The following CD96 variants were observed in gnomAD, a reference collection of about 807,000 sequenced individuals.
CD96 encodes the protein CD96 molecule.
Under a neutral mutation model 71.3 loss-of-function variants are expected in CD96, and 70 were observed. That is an observed-to-expected ratio of 0.98 (90% confidence interval 0.81 to 1.20). CD96 has a LOEUF of 1.20. Among genes scored for constraint, CD96 ranks in the 50% most tolerant of loss-of-function variants. The pLI, the probability that CD96 is intolerant of heterozygous loss-of-function variation, is 0.00. For missense variants in CD96, 742 were observed against 677.5 expected, an observed-to-expected ratio of 1.10 and a Z score of -1.06; for synonymous variants, 248 against 233.0, an observed-to-expected ratio of 1.06 and a Z score of -0.59.
chr3:111,555,505 T>C (rs1190908066), intron 2 of CD96, among the ~76,000 whole-genome samples: 4 of 152,304 alleles, frequency 2.6e-5, no homozygotes, highest in African/African-American at 9.6e-5. Flanking sequence ...TTCTCTTTCT[T>C]TTAGCATTTT....
At chr3:111,613,956 ATTC>A (rs891868544) in intron 8 of CD96, among the ~76,000 whole-genome samples, 43 of 152,196 alleles carry the variant, frequency 2.8e-4, no homozygotes, top group African/African-American at 1.0e-3. Context: ...TACTTTTTCC[ATTC>A]TTCTCTGTTC....
chr3:111,569,373 T>C (rs1372377676), intron 3 of CD96, among the ~76,000 whole-genome samples: 2 of 152,218 alleles, frequency 1.3e-5, no homozygotes, highest in African/African-American at 4.8e-5. Context: ...TTATAGGATT[T>C]GCTTTCCAAA....
Position 111,638,175 on chromosome 3 carries a change from C to T in CD96, c.1477+7C>T. Reference sequence around the variant, plus strand: ...AATCACGTCCATATCACTGGTAAGTCATTTATCCTATTTTGGGGGATTTTA... The same window carrying T: ...AATCACGTCCATATCACTGGTAAGTTATTTATCCTATTTTGGGGGATTTTA... On this transcript the variant is annotated splice_region_variant and intron_variant, in intron 12 of 13. Transcript: ENST00000352690. 6.6e-7 allele frequency: 1 copy of T among 1,521,000 alleles called. No individual in the cohort carries two copies. The highest frequency in any genetic ancestry group is 9.1e-7 in the Non-Finnish European group (1 of 1,095,064). The allele number at this position is 1,521,000 out of a possible 1,614,324, so 94.2% of individuals were successfully genotyped here. A position where few individuals can be genotyped will look rare whatever the true frequency, so the allele number is the denominator to read the frequency against.
chr3:111,618,040 C>T (rs773348770), intron 8 of CD96, among the ~76,000 whole-genome samples: 3 of 152,236 alleles, frequency 2.0e-5, no homozygotes, highest in South Asian at 2.1e-4. Context: ...CACACAGAGT[C>T]GGCACCCATG....
intron 2 of CD96, among the ~76,000 whole-genome samples, chr3:111,560,097 T>A (rs1935306178): frequency 6.7e-6 from 1 of 149,100 alleles, no homozygotes; most frequent in Admixed American, 6.7e-5. Flanking sequence ...TGAGCCTATA[T>A]GTGTCTCTGC....
At chr3:111,563,190 T>C (rs562557447) in intron 2 of CD96, among the ~76,000 whole-genome samples, 4 of 152,326 alleles carry the variant, frequency 2.6e-5, no homozygotes, top group South Asian at 4.1e-4. Context: ...ACTGACACAA[T>C]GGCAACCAAA....
At chr3:111,605,538 G>A (rs893302450) in intron 7 of CD96, among the ~76,000 whole-genome samples, 8 of 152,174 alleles carry the variant, frequency 5.3e-5, no homozygotes, top group African/African-American at 1.2e-4. Context: ...TTGGATGTAT[G>A]AAGAAAAAGG....
intron 10 of CD96, among the ~76,000 whole-genome samples, chr3:111,631,654 G>C (rs1260275656): frequency 1.3e-5 from 2 of 150,520 alleles, no homozygotes; most frequent in African/African-American, 4.9e-5. Flanking sequence ...TATTTTAAAA[G>C]AGCCCAAATA....
rs1404268327 is a variant in CD96 at position 111,651,108 on chromosome 3, G to A, written c.*1302G>A. The A allele has an allele frequency of 2.0e-5, 3 of 152,222 alleles. No individual in the cohort carries two copies. The highest frequency in any genetic ancestry group is 4.8e-5 in the African/African-American group (2 of 41,454). The allele number at this position is 152,222 out of a possible 1,614,324, so 9.4% of individuals were successfully genotyped here. A position where few individuals can be genotyped will look rare whatever the true frequency, so the allele number is the denominator to read the frequency against. ...TCAATTAAATCAGAATGTCTGAGGA[G>A]TGAGACACAGGCATCAACACTCTCA... On this transcript the variant is annotated 3_prime_UTR_variant, in exon 14 of 14. Coordinates refer to ENST00000352690, the MANE Select transcript of CD96 (RefSeq NM_005816.5).
At chr3:111,578,449 T>G (rs4682288) in intron 3 of CD96, among the ~76,000 whole-genome samples, 113,088 of 152,162 alleles carry the variant, frequency 0.74, 42,220 homozygotes, top group East Asian at 0.96. Context: ...GGCTGTGAAA[T>G]GAGGCAAGGA....
intron 5 of CD96, among the ~76,000 whole-genome samples, chr3:111,586,372 T>C (rs1315899392): frequency 6.6e-6 from 1 of 152,242 alleles, no homozygotes; most frequent in Non-Finnish European, 1.5e-5. Flanking sequence ...ATTAGTCATT[T>C]AATTTGATAA....
chr3:111,637,289 A>C lies in CD96; in HGVS notation c.1387+28A>C, dbSNP rs371468406. On this transcript the variant is annotated intron_variant, in intron 11 of 13. Transcript: ENST00000352690. ...GAGTACTTGGGGAAGATTTAGGGAC[A>C]CTGAAGCTAGTGGTCAGCTTTATTT... The C allele has an allele frequency of 9.6e-6, 12 of 1,256,526 alleles. No homozygotes were observed. In the African/African-American group the frequency reaches 1.6e-4, roughly 17 times the overall value. 77.8% of individuals were successfully genotyped at this position (1,256,526 alleles called of 1,614,324 possible).
intron 5 of CD96, among the ~76,000 whole-genome samples, chr3:111,590,993 A>T (rs1189071574): frequency 6.6e-6 from 1 of 152,218 alleles, no homozygotes; most frequent in East Asian, 1.9e-4. Flanking sequence ...AAAGAAAATT[A>T]TCTGTCATGA....
chr3:111,573,530 G>C (rs1330792604), intron 3 of CD96, among the ~76,000 whole-genome samples: 2 of 152,028 alleles, frequency 1.3e-5, no homozygotes, highest in Non-Finnish European at 2.9e-5. Context: ...CAAGACCCTG[G>C]GACCTTTAAG....
chr3:111,544,208 G>A (rs1470768676), intron 1 of CD96, among the ~76,000 whole-genome samples: 1 of 152,104 alleles, frequency 6.6e-6, no homozygotes, highest in Non-Finnish European at 1.5e-5. Flanking sequence ...GCAGTGGCAT[G>A]ATTTCGGCTC....
chr3:111,653,635 T>G (rs374616323), downstream of CD96, among the ~76,000 whole-genome samples: 5 of 152,170 alleles, frequency 3.3e-5, no homozygotes, highest in African/African-American at 9.7e-5. Context: ...GTCACACAAT[T>G]AGAAATGGTA....
downstream of CD96, among the ~76,000 whole-genome samples, chr3:111,655,868 G>T (rs1442462727): frequency 6.6e-6 from 1 of 150,992 alleles, no homozygotes; most frequent in Non-Finnish European, 1.5e-5. Flanking sequence ...TATATGTACA[G>T]TTATAGTATA....
intron 6 of CD96, among the ~76,000 whole-genome samples, chr3:111,600,008 A>T (rs1937421775): frequency 6.6e-6 from 1 of 152,260 alleles, no homozygotes; most frequent in Non-Finnish European, 1.5e-5. Flanking sequence ...TACTAACATA[A>T]CAGTTTAAAA....
intron 2 of CD96, among the ~76,000 whole-genome samples, chr3:111,565,071 G>T (rs1935642893): frequency 6.6e-6 from 1 of 152,080 alleles, no homozygotes; most frequent in South Asian, 2.1e-4. Flanking sequence ...TGGTGATTTG[G>T]TGCCCGCAAA....
Sources: allele counts gnomAD v4.1 joint callset (sites outside exome capture counted in the v4.1 genomes callset), GRCh38; gene constraint gnomAD v4.1.1; transcripts MANE v1.5; gene names NCBI Gene and HGNC (gene_info 2026-07-23, HGNC 2026-07-21).